Variants in CRACR2A observed in about 807,000 individuals in gnomAD.
CRACR2A encodes the protein calcium release activated channel regulator 2A.
A neutral mutation model predicts 90.5 loss-of-function variants in CRACR2A; 79 were observed. The ratio of observed to expected loss-of-function variants is 0.87; its 90% CI spans 0.73 to 1.05. CRACR2A has a LOEUF of 1.05. CRACR2A is among the 50% of genes least tolerant of loss of function. The pLI, the probability that CRACR2A is intolerant of heterozygous loss-of-function variation, is 0.00. For synonymous variants in CRACR2A, 338 were observed against 356.7 expected, an observed-to-expected ratio of 0.95 and a Z score of 0.59; for missense variants, 823 against 897.2, an observed-to-expected ratio of 0.92 and a Z score of 1.06.
chr12:3,691,212 CT>C (rs1945645383), intron 4 of CRACR2A, among the ~76,000 whole-genome samples: 1 of 152,048 alleles, frequency 6.6e-6, no homozygotes, highest in Non-Finnish European at 1.5e-5. Flanking sequence ...GTTATGCAGA[CT>C]TGTTTGTGTG....
chr12:3,748,575 G>A (rs1435720884), intron 1 of CRACR2A, among the ~76,000 whole-genome samples: 1 of 152,208 alleles, frequency 6.6e-6, no homozygotes, highest in African/African-American at 2.4e-5. Flanking sequence ...AGATAACTTT[G>A]TCATCACAGG....
chr12:3,625,722 G>A (rs1944244982), intron 17 of CRACR2A, among the ~76,000 whole-genome samples: 1 of 151,160 alleles, frequency 6.6e-6, no homozygotes. Flanking sequence ...GGGGGATGAG[G>A]GACCTGGATC....
rs141346956 is a variant in CRACR2A, at chr12:3,747,325, A to T, written c.-387+5690T>A. Among the ~76,000 whole-genome samples, 31 of 152,250 alleles carry T rather than the reference A, an allele frequency of 2.0e-4. No homozygotes were observed. In the East Asian group the frequency reaches 6.0e-3, roughly 29 times the overall value. On this transcript the variant is annotated intron_variant, in intron 1 of 19. Transcript: ENST00000440314. Reference sequence around the variant, plus strand: ...ACAAAGATGAGTTCATTTATGCCAAACTCTCAGCCATGCCCAGTGTGTTTC... The same window carrying T: ...ACAAAGATGAGTTCATTTATGCCAATCTCTCAGCCATGCCCAGTGTGTTTC...
chr12:3,642,821 C>T (rs1344364653), intron 12 of CRACR2A, among the ~76,000 whole-genome samples: 4 of 152,092 alleles, frequency 2.6e-5, no homozygotes, highest in South Asian at 4.2e-4. Context: ...GGAGATGAGG[C>T]GGGGGAGTTA....
intron 7 of CRACR2A, chr12:3,672,679 C>T (rs1945267629): frequency 1.2e-5 from 10 of 849,342 alleles, no homozygotes; most frequent in Non-Finnish European, 1.3e-5. Flanking sequence ...TGCATTAATT[C>T]TCATGAAGGG....
At chr12:3,749,495 T>C (rs1252156476) in intron 1 of CRACR2A, among the ~76,000 whole-genome samples, 1 of 152,112 alleles carries the variant, frequency 6.6e-6, no homozygotes, top group Non-Finnish European at 1.5e-5. Flanking sequence ...CTCTTCCTCT[T>C]TTCCTTCTTC....
intron 2 of CRACR2A, among the ~76,000 whole-genome samples, chr12:3,715,730 T>A (rs1166703114): frequency 6.6e-6 from 1 of 152,206 alleles, no homozygotes; most frequent in Non-Finnish European, 1.5e-5. Flanking sequence ...AAATATAAAC[T>A]TGATTTCCCA....
At chr12:3,627,600 C>T (rs1221051072) in intron 16 of CRACR2A, 25 bp downstream of exon 16, 8 of 1,551,490 alleles carry the variant, frequency 5.2e-6, no homozygotes, top group South Asian at 1.2e-5. Flanking sequence ...CCCTCTGGAG[C>T]CCAGAACTTC....
chr12:3,667,812 C>A (rs540427835), intron 7 of CRACR2A, among the ~76,000 whole-genome samples: 1 of 152,364 alleles, frequency 6.6e-6, no homozygotes, highest in East Asian at 1.9e-4. Flanking sequence ...CTGTCTCTCT[C>A]CATCTCCATC....
chr12:3,629,846 CAA>C (rs1565464043), intron 15 of CRACR2A, among the ~76,000 whole-genome samples: 2 of 37,486 alleles, frequency 5.3e-5, no homozygotes, highest in African/African-American at 1.5e-4. Flanking sequence ...AAGGAAAAGA[CAA>C]GGGGGGGGGG....
intron 17 of CRACR2A, among the ~76,000 whole-genome samples, chr12:3,622,639 T>C (rs375611353): frequency 5.9e-5 from 9 of 152,130 alleles, no homozygotes; most frequent in African/African-American, 2.2e-4. Flanking sequence ...CATGTGTGTG[T>C]GTGTGTGTGC....
At chr12:3,666,354 T>TGTGTGTGTGTGTGTGTGTGTGTGC (rs372810487) in intron 7 of CRACR2A, among the ~76,000 whole-genome samples, 1 of 144,966 alleles carries the variant, frequency 6.9e-6, no homozygotes, top group African/African-American at 2.8e-5. Context: ...TGTGTGTGTG[T>TGTGTGTGTGTGTGTGTGTGTGTGC]GCGTGCGTGT....
intron 4 of CRACR2A, among the ~76,000 whole-genome samples, chr12:3,687,123 T>C (rs1336443872): frequency 6.6e-6 from 1 of 151,960 alleles, no homozygotes; most frequent in African/African-American, 2.4e-5. Context: ...CACAATCCAT[T>C]TTTAATAAGA....
At chr12:3,727,902 G>T (rs1253565351) in intron 2 of CRACR2A, 5 of 152,104 alleles carry the variant, frequency 3.3e-5, no homozygotes, top group African/African-American at 1.2e-4. Flanking sequence ...AATAAAATAA[G>T]GAATACTGAT....
At chr12:3,693,479 G>A (rs950734831) in intron 4 of CRACR2A, among the ~76,000 whole-genome samples, 2 of 152,212 alleles carry the variant, frequency 1.3e-5, no homozygotes, top group Non-Finnish European at 2.9e-5. Context: ...CGAGCCTAGG[G>A]AGATGGGTTT....
At chr12:3,635,415 A>AT (rs1944438616) in intron 14 of CRACR2A, among the ~76,000 whole-genome samples, 1 of 152,232 alleles carries the variant, frequency 6.6e-6, no homozygotes, top group Non-Finnish European at 1.5e-5. Context: ...ATGTATGCTA[A>AT]TTTTTAAAAT....
intron 4 of CRACR2A, among the ~76,000 whole-genome samples, chr12:3,692,328 C>T (rs572751440): frequency 7.2e-5 from 11 of 152,040 alleles, no homozygotes; most frequent in East Asian, 1.9e-4. Context: ...TTATCCTATT[C>T]GATGACCTGG....
chr12:3,664,612 A>G (rs1193078627), intron 7 of CRACR2A, among the ~76,000 whole-genome samples: 1 of 152,222 alleles, frequency 6.6e-6, no homozygotes, highest in Non-Finnish European at 1.5e-5. Flanking sequence ...GAAAAATATT[A>G]GACAAAATGA....
In CRACR2A at chr12:3,739,911, C is replaced by T. The variant is rs1033674957; in HGVS notation, c.-386-6701G>A. On this transcript the variant is annotated intron_variant, in intron 1 of 19. Transcript: ENST00000440314. ...ATCACGCTACAGCACTCCAGCCTGG[C>T]GACAGAGCGACTCCGTCTCAAAAAA... Among the ~76,000 whole-genome samples the T allele has an allele frequency of 8.5e-5, 12 of 141,646 alleles. No individual in the cohort carries two copies. In the South Asian group the frequency reaches 1.4e-3, roughly 17 times the overall value. The allele number at this position is 141,646 out of a possible 152,430, so 92.9% of individuals were successfully genotyped here.
Sources: gnomAD v4.1 joint callset for allele counts (sites outside exome capture counted in the v4.1 genomes callset) on GRCh38, gnomAD v4.1.1 for gene constraint, MANE v1.5 for transcripts, NCBI Gene and HGNC (gene_info 2026-07-23, HGNC 2026-07-21) for gene names.